The following IL21R variants were observed in gnomAD, a reference collection of about 807,000 sequenced individuals.
IL21R encodes the protein interleukin 21 receptor.
IL21R carries 14 observed loss-of-function variants against 41.3 expected under a neutral mutation model. The ratio of observed to expected loss-of-function variants is 0.34; its 90% CI spans 0.22 to 0.53. The LOEUF (loss-of-function observed/expected upper bound fraction) is 0.53, where lower values mean the gene tolerates loss of function less well. Among genes scored for constraint, IL21R ranks in the 20% least tolerant of loss-of-function variants. The probability of loss-of-function intolerance (pLI) is 0.94; values close to 1 mark genes in which losing one functional copy is unlikely to be tolerated. For missense variants in IL21R, 588 were observed against 681.6 expected, an observed-to-expected ratio of 0.86 and a Z score of 1.53; for synonymous variants, 286 against 287.6, an observed-to-expected ratio of 0.99 and a Z score of 0.05.
chr16:27,421,536 A>C (rs1367214605), intron 1 of IL21R, among the ~76,000 whole-genome samples: 6 of 152,100 alleles, frequency 3.9e-5, no homozygotes, highest in Non-Finnish European at 7.4e-5. Flanking sequence ...TCACACTAAT[A>C]AACAAATTCA....
intron 4 of IL21R, among the ~76,000 whole-genome samples, chr16:27,440,417 G>A (rs774926651): frequency 6.6e-6 from 1 of 151,738 alleles, no homozygotes; most frequent in African/African-American, 2.4e-5. Context: ...GGGACTACAG[G>A]TGCACATCAC....
At chr16:27,406,266 C>G (rs1471314613) in intron 1 of IL21R, among the ~76,000 whole-genome samples, 1 of 152,270 alleles carries the variant, frequency 6.6e-6, no homozygotes, top group Admixed American at 6.5e-5. Flanking sequence ...CTACAAGCGG[C>G]CCCTCCTGGG....
Position 27,449,391 on chromosome 16 carries a change from T to C in IL21R, c.*108T>C. 8.6e-7 allele frequency: 1 copy of C among 1,168,656 alleles called. No individual in the cohort carries two copies. Among genetic ancestry groups the C allele is most frequent in the Non-Finnish European group, 1.2e-6 (1 of 845,774 alleles). 72.4% of individuals were successfully genotyped at this position (1,168,656 alleles called of 1,614,324 possible). Reference sequence around the variant, plus strand: ...CACCTGCAGCCTTTGGTCTCCTGGATGGGCCTTTGAGCCTGATGTTTACAG... The same window carrying C: ...CACCTGCAGCCTTTGGTCTCCTGGACGGGCCTTTGAGCCTGATGTTTACAG... On this transcript the variant is annotated 3_prime_UTR_variant, in exon 9 of 9. Coordinates refer to ENST00000337929, the MANE Select transcript of IL21R (RefSeq NM_181078.3).
At chr16:27,430,807 T>C (rs1319592859) in intron 2 of IL21R, among the ~76,000 whole-genome samples, 1 of 152,178 alleles carries the variant, frequency 6.6e-6, no homozygotes, top group East Asian at 1.9e-4. Flanking sequence ...AGCGAGACCC[T>C]GTCTCAAAAC....
intron 1 of IL21R, among the ~76,000 whole-genome samples, chr16:27,427,608 T>C (rs2087100604): frequency 6.6e-6 from 1 of 152,174 alleles, no homozygotes. Flanking sequence ...TCTTGCTATG[T>C]TGGTCAAGCT....
chr16:27,437,465 G>T (rs1446494085), intron 3 of IL21R, 23 bp from the exon 4 acceptor site: 1 of 1,604,560 alleles, frequency 6.2e-7, no homozygotes, highest in South Asian at 1.1e-5. Context: ...TTCCAGCCAT[G>T]ACCGGCTGCT....
intron 2 of IL21R, among the ~76,000 whole-genome samples, chr16:27,433,577 A>G (rs1389534371): frequency 6.6e-6 from 1 of 152,246 alleles, no homozygotes; most frequent in East Asian, 1.9e-4. Flanking sequence ...TTTTGTCCAC[A>G]TTTAACAAAA....
intron 1 of IL21R, among the ~76,000 whole-genome samples, chr16:27,411,204 A>T (rs893604265): frequency 5.9e-5 from 9 of 151,990 alleles, no homozygotes; most frequent in African/African-American, 1.5e-4. Flanking sequence ...TAATTAAAAA[A>T]ATTTTTTAAA....
chr16:27,427,337 C>T, intron 1 of IL21R: 3 of 985,312 alleles, frequency 3.0e-6, no homozygotes, highest in Non-Finnish European at 3.6e-6. Context: ...CTCCACATCC[C>T]TAGGGCTCTG....
chr16:27,439,581 GCA>G (rs1236127989), intron 4 of IL21R, among the ~76,000 whole-genome samples: 1 of 151,258 alleles, frequency 6.6e-6, no homozygotes, highest in East Asian at 1.9e-4. Context: ...GCACACATAT[GCA>G]CACACTCACA....
intron 1 of IL21R, chr16:27,427,291 A>G: frequency 1.0e-6 from 1 of 985,584 alleles, no homozygotes; most frequent in Non-Finnish European, 1.2e-6. Flanking sequence ...GCTCTTTGGG[A>G]AGAGACGCCG....
At chr16:27,403,998 T>C (rs1283734253) in intron 1 of IL21R, among the ~76,000 whole-genome samples, 21 of 152,210 alleles carry the variant, frequency 1.4e-4, no homozygotes, top group Admixed American at 1.4e-3. Flanking sequence ...TGGGATTGGA[T>C]GCCAGTCTGT....
Position 27,449,458 on chromosome 16 carries a change from A to T in IL21R, c.*175A>T. 1.7e-6 allele frequency: 1 copy of T among 600,440 alleles called. No individual in the cohort carries two copies. The highest frequency in any genetic ancestry group is 2.9e-6 in the Non-Finnish European group (1 of 349,076). 37.2% of individuals were successfully genotyped at this position (600,440 alleles called of 1,614,324 possible). On this transcript the variant is annotated 3_prime_UTR_variant, in exon 9 of 9. Coordinates refer to ENST00000337929, the MANE Select transcript of IL21R (RefSeq NM_181078.3). ...TGCATATGTGTGTGTGTGCATATGCATGTGTGTGTGTGTGTGTGTCTTAGG... is the reference window on the plus strand; with the variant it reads ...TGCATATGTGTGTGTGTGCATATGCTTGTGTGTGTGTGTGTGTGTCTTAGG...
In IL21R at chr16:27,431,008, C is replaced by T. The variant is rs540496689; in HGVS notation, c.49+888C>T. 7.9e-5 allele frequency among the ~76,000 whole-genome samples: 12 copies of T among 152,158 alleles called. No homozygotes were observed. In the South Asian group the frequency reaches 1.0e-3, roughly 13 times the overall value. ...AGCAGAACTGGGAAGACCAGGAGTC[C>T]GACTGAAAGGGCACTGCCTAGGACT... On this transcript the variant is annotated intron_variant, in intron 2 of 8. Transcript: ENST00000337929.
chr16:27,446,214 C>T, intron 8 of IL21R, 126 bp downstream of exon 8: 1 of 637,834 alleles, frequency 1.6e-6, no homozygotes, highest in Non-Finnish European at 2.6e-6. Flanking sequence ...TCAGCCAAGC[C>T]ACAAGCCAGG....
intron 1 of IL21R, among the ~76,000 whole-genome samples, chr16:27,421,553 A>G (rs1313210581): frequency 6.6e-6 from 1 of 152,116 alleles, no homozygotes; most frequent in Non-Finnish European, 1.5e-5. Flanking sequence ...TTCATCTCAT[A>G]TTAACATAAC....
In IL21R at chr16:27,446,072, G is replaced by A; in HGVS notation, c.851G>A (p.Cys284Tyr). 6.2e-7 allele frequency: 1 copy of A among 1,613,522 alleles called. No individual in the cohort carries two copies. Among genetic ancestry groups the A allele is most frequent in the Non-Finnish European group, 8.5e-7 (1 of 1,179,722 alleles). Reference protein sequence around the residue: ...ERFFMPLYKGCSGDFKKWVGA... With the variant: ...ERFFMPLYKGYSGDFKKWVGA... ...TTCTTCATGCCCCTGTACAAGGGCTGCAGCGGAGACTTCAAGGTGAGCTCC... is the reference window on the plus strand; with the variant it reads ...TTCTTCATGCCCCTGTACAAGGGCTACAGCGGAGACTTCAAGGTGAGCTCC... Residue 284 changes from cysteine (C) to tyrosine (Y), a missense_variant, in exon 8 of 9, where the codon TGC (cysteine) becomes TAC (tyrosine). Physicochemically the swap from Cys to Tyr is radical, Grantham distance 194. Transcript: ENST00000337929.
At chr16:27,418,194 C>T (rs966667398) in intron 1 of IL21R, among the ~76,000 whole-genome samples, 2 of 146,654 alleles carry the variant, frequency 1.4e-5, no homozygotes, top group Non-Finnish European at 3.0e-5. Context: ...CTCAGCCTCC[C>T]AAGTAGCTGG....
Position 27,450,090 on chromosome 16 carries a change from C to T in IL21R, c.*807C>T, listed in dbSNP as rs74016080. The T allele has an allele frequency of 1.8e-3, 425 of 232,720 alleles. 2 individuals carry two copies. Among genetic ancestry groups the T allele is most frequent in the African/African-American group, 8.7e-3 (397 of 45,396 alleles). The allele number at this position is 232,720 out of a possible 1,614,324, so 14.4% of individuals were successfully genotyped here. On this transcript the variant is annotated 3_prime_UTR_variant, in exon 9 of 9. Transcript: ENST00000337929. The stretch of plus-strand genomic sequence containing the variant: ...GCTTCCTTCCTTCTGCGGCCAGAGC[C>T]GAGGCGGGCGGGGGTGAGAACATCA...
Sources: gnomAD v4.1 joint callset for allele counts (sites outside exome capture counted in the v4.1 genomes callset) on GRCh38, gnomAD v4.1.1 for gene constraint, MANE v1.5 for transcripts, NCBI Gene and HGNC (gene_info 2026-07-23, HGNC 2026-07-21) for gene names.